The following SPTLC1 variants were observed in gnomAD, a reference collection of about 807,000 sequenced individuals.
SPTLC1 encodes the protein serine palmitoyltransferase 1.
In SPTLC1, 55 loss-of-function variants were observed where a neutral mutation model predicts 68.9. The ratio of observed to expected loss-of-function variants is 0.80; its 90% CI spans 0.64 to 1.00. The LOEUF is 1.00. Ranked by LOEUF, SPTLC1 falls within the 50% of genes least tolerant of loss-of-function variation. SPTLC1 has a pLI of 0.00. For missense variants in SPTLC1, 449 were observed against 573.1 expected, an observed-to-expected ratio of 0.78 and a Z score of 2.21; for synonymous variants, 197 against 201.6, an observed-to-expected ratio of 0.98 and a Z score of 0.19.
chr9:92,115,030 G>A (rs1431427672), intron 1 of SPTLC1: 9 of 535,580 alleles, frequency 1.7e-5, no homozygotes, highest in Admixed American at 3.1e-5. Context: ...TTGCAGACCT[G>A]TCTCCTGCGT....
At chr9:92,098,183 C>T (rs1318227809) in intron 3 of SPTLC1, among the ~76,000 whole-genome samples, 1 of 152,166 alleles carries the variant, frequency 6.6e-6, no homozygotes, top group African/African-American at 2.4e-5. Context: ...CTGACAGCCA[C>T]ATCGGGTACC....
At chr9:92,046,945 T>A (rs1356721101) in intron 11 of SPTLC1, among the ~76,000 whole-genome samples, 1 of 152,220 alleles carries the variant, frequency 6.6e-6, no homozygotes. Flanking sequence ...CTATCTGAGC[T>A]AGCCTTGCTT....
At chr9:92,090,425 A>G (rs1212781325) in intron 3 of SPTLC1, among the ~76,000 whole-genome samples, 1 of 152,196 alleles carries the variant, frequency 6.6e-6, no homozygotes, top group Non-Finnish European at 1.5e-5. Flanking sequence ...CCTGGCCAAC[A>G]TGGTGAAACC....
intron 8 of SPTLC1, chr9:92,050,977 T>G: frequency 2.0e-6 from 2 of 985,018 alleles, no homozygotes; most frequent in Non-Finnish European, 2.4e-6. Context: ...CATGCCCAGC[T>G]TCAGTGCTTA....
intron 1 of SPTLC1, among the ~76,000 whole-genome samples, chr9:92,114,750 AAAAT>A (rs150354208): frequency 0.17 from 25,399 of 151,560 alleles, 2,311 homozygotes; most frequent in Admixed American, 0.21. Context: ...AAAAAAAACA[AAAAT>A]AAATAAATAA....
chr9:92,036,282 G>C (rs1185219336), intron 13 of SPTLC1, among the ~76,000 whole-genome samples: 3 of 152,234 alleles, frequency 2.0e-5, no homozygotes, highest in Non-Finnish European at 4.4e-5. Flanking sequence ...GGATCTGTGA[G>C]CTGTCCACAG....
Position 92,032,875 on chromosome 9 carries a change from C to CA in SPTLC1, c.1329-318dup, listed in dbSNP as rs11355920. On this transcript the variant is annotated intron_variant, in intron 14 of 14. Coordinates refer to ENST00000262554, the MANE Select transcript of SPTLC1 (RefSeq NM_006415.4). ...TGGGCAACAGAGTGAGACTCTGTCTCAAAAAAAAAAAAAAACCAAAAACAA... is the reference window on the plus strand; with the variant it reads ...TGGGCAACAGAGTGAGACTCTGTCTCAAAAAAAAAAAAAAAACCAAAAACAA... Among the ~76,000 whole-genome samples, 755 of 109,546 alleles carry CA rather than the reference C, an allele frequency of 6.9e-3. 2 individuals carry two copies. The highest frequency in any genetic ancestry group is 0.02 in the East Asian group (80 of 4,070). The allele number at this position is 109,546 out of a possible 152,430, so 71.9% of individuals were successfully genotyped here.
At position 92,112,565 on chromosome 9, in the gene SPTLC1, A is replaced by T; in HGVS notation, c.58-3T>A. On this transcript the variant is annotated splice_region_variant and splice_polypyrimidine_tract_variant and intron_variant, in intron 1 of 14. Coordinates refer to ENST00000262554, the MANE Select transcript of SPTLC1 (RefSeq NM_006415.4). ...AAAATAAGATGGTAAGCAGGAGCCT[A>T]AGAGTGAGTCAAAAACAAGTAAGAT... 3 of 1,587,126 alleles carry T rather than the reference A, an allele frequency of 1.9e-6. No homozygotes were observed. The highest frequency in any genetic ancestry group is 2.6e-6 in the Non-Finnish European group (3 of 1,163,874).
At chr9:92,038,582 TC>T (rs1310518576) in intron 12 of SPTLC1, 2 of 572,132 alleles carry the variant, frequency 3.5e-6, no homozygotes, top group African/African-American at 3.7e-5. Flanking sequence ...CAATGTGGCT[TC>T]CTGAGTGCAG....
intron 14 of SPTLC1, among the ~76,000 whole-genome samples, chr9:92,033,775 G>A (rs1426908368): frequency 6.6e-6 from 1 of 152,108 alleles, no homozygotes; most frequent in Non-Finnish European, 1.5e-5. Flanking sequence ...TTGTACTCCT[G>A]GGCTCAAGTG....
At chr9:92,057,957 C>T (rs1299760907) in intron 7 of SPTLC1, among the ~76,000 whole-genome samples, 1 of 152,170 alleles carries the variant, frequency 6.6e-6, no homozygotes, top group African/African-American at 2.4e-5. Flanking sequence ...ACATACAAAA[C>T]TTGAATCTGA....
intron 3 of SPTLC1, among the ~76,000 whole-genome samples, chr9:92,085,579 T>C (rs1244446564): frequency 4.7e-5 from 7 of 148,114 alleles, no homozygotes; most frequent in African/African-American, 1.7e-4. Context: ...TCCTGAGTTC[T>C]AGTTTGATTG....
chr9:92,051,389 T>TA (rs956769908), intron 8 of SPTLC1: 5 of 452,550 alleles, frequency 1.1e-5, no homozygotes, highest in African/African-American at 1.1e-4. Flanking sequence ...ATCATCCCAA[T>TA]AAATGCAGAA....
Position 92,035,131 on chromosome 9 carries a change from C to T in SPTLC1, c.1255-248G>A, listed in dbSNP as rs1241929139. Among the ~76,000 whole-genome samples the T allele has an allele frequency of 3.3e-5, 5 of 152,164 alleles. No homozygotes were observed. In the South Asian group the frequency reaches 6.2e-4, roughly 19 times the overall value. The stretch of plus-strand genomic sequence containing the variant: ...GAGCCCTGTGTGCCTGCTGAGCACA[C>T]GGAGATATGGCTGGTGCTACTGAGA... On this transcript the variant is annotated intron_variant, in intron 13 of 14. Transcript: ENST00000262554.
At chr9:92,072,959 A>T (rs10739924) in intron 5 of SPTLC1, among the ~76,000 whole-genome samples, 62 of 149,520 alleles carry the variant, frequency 4.1e-4, no homozygotes, top group Middle Eastern at 3.4e-3. Context: ...TTCTCCCCCC[A>T]ACCCACCTAT....
At chr9:92,058,395 C>T (rs1833967480) in intron 7 of SPTLC1, among the ~76,000 whole-genome samples, 1 of 151,546 alleles carries the variant, frequency 6.6e-6, no homozygotes. Flanking sequence ...GTTGCACTGG[C>T]AAAGTCCACT....
chr9:92,114,418 A>C (rs1836360513), intron 1 of SPTLC1, among the ~76,000 whole-genome samples: 1 of 152,170 alleles, frequency 6.6e-6, no homozygotes, highest in Non-Finnish European at 1.5e-5. Context: ...ACTAGGCTTC[A>C]AAAAACTCTT....
chr9:92,105,216 C>T (rs1455247326), intron 3 of SPTLC1: 14 of 1,534,048 alleles, frequency 9.1e-6, no homozygotes, highest in Admixed American at 3.9e-5. Flanking sequence ...CCGACCCCTC[C>T]CCTGCAACTG....
chr9:92,065,836 A>T (rs1834259229), intron 6 of SPTLC1, among the ~76,000 whole-genome samples: 1 of 152,200 alleles, frequency 6.6e-6, no homozygotes, highest in Non-Finnish European at 1.5e-5. Context: ...TAGTGCTCCT[A>T]GACTGCTGTA....
Sources: gnomAD v4.1 joint callset for allele counts (sites outside exome capture counted in the v4.1 genomes callset) on GRCh38, gnomAD v4.1.1 for gene constraint, MANE v1.5 for transcripts, NCBI Gene and HGNC (gene_info 2026-07-23, HGNC 2026-07-21) for gene names.